AFF3: variants seen among roughly 807,000 people sequenced by gnomAD.
AFF3 encodes ALF transcription elongation factor 3.
In AFF3, 32 loss-of-function variants were observed where a neutral mutation model predicts 129.7. The observed-to-expected ratio is 0.25, with a 90% CI of 0.19 to 0.33. AFF3 has a LOEUF of 0.33. Among genes scored for constraint, AFF3 ranks in the 10% least tolerant of loss-of-function variants. AFF3 has a pLI of 1.00. For synonymous variants in AFF3, 644 were observed against 635.4 expected (o/e 1.01, Z -0.20); for missense variants, 1,373 against 1,592.0 (o/e 0.86, Z 2.34).
intron 13 of AFF3, among the ~76,000 whole-genome samples, chr2:99,631,185 C>T (rs1468770222): frequency 6.6e-6 from 1 of 152,122 alleles, no homozygotes; most frequent in Non-Finnish European, 1.5e-5. Context: ...TCTTCTTTCC[C>T]AAAGAACCCC....
At chr2:99,630,974 A>G (rs1459066387) in intron 13 of AFF3, 2 of 458,662 alleles carry the variant, frequency 4.4e-6, no homozygotes, top group African/African-American at 2.0e-5. Context: ...TGGAGCTGAG[A>G]CAGAGGAGGG....
chr2:99,592,332 C>A (rs1156694249), intron 15 of AFF3, among the ~76,000 whole-genome samples: 1 of 152,146 alleles, frequency 6.6e-6, no homozygotes, highest in African/African-American at 2.4e-5. Context: ...TTTTCAGGGC[C>A]CCTCCACCAT....
chr2:99,679,176 C>A (rs10189976), intron 11 of AFF3, among the ~76,000 whole-genome samples: 81,951 of 151,948 alleles, frequency 0.54, 22,204 homozygotes, highest in East Asian at 0.66. Context: ...GGGATCTCTA[C>A]ATCTTTTGAA....
intron 8 of AFF3, among the ~76,000 whole-genome samples, chr2:99,772,127 A>G (rs1433481487): frequency 2.0e-5 from 3 of 152,162 alleles, no homozygotes; most frequent in Non-Finnish European, 4.4e-5. Flanking sequence ...AAAATAGGAA[A>G]GGAGAGAAGA....
At chr2:99,959,108 T>C (rs1424288145) in intron 7 of AFF3, among the ~76,000 whole-genome samples, 1 of 151,564 alleles carries the variant, frequency 6.6e-6, no homozygotes, top group Admixed American at 6.6e-5. Flanking sequence ...GATAAATAAA[T>C]AAAGGAGAGG....
At chr2:99,748,387 A>T (rs930600403) in intron 9 of AFF3, among the ~76,000 whole-genome samples, 7 of 152,292 alleles carry the variant, frequency 4.6e-5, no homozygotes, top group Admixed American at 3.9e-4. Context: ...GCACTCTACT[A>T]GGCCTGCAAG....
chr2:99,683,049 T>A (rs1254312108), intron 11 of AFF3, among the ~76,000 whole-genome samples: 1 of 152,192 alleles, frequency 6.6e-6, no homozygotes, highest in Non-Finnish European at 1.5e-5. Flanking sequence ...CCTGATGGGT[T>A]TGGAAGGCAC....
intron 4 of AFF3, among the ~76,000 whole-genome samples, chr2:100,078,546 G>A (rs1472398823): frequency 6.6e-6 from 1 of 152,174 alleles, no homozygotes; most frequent in Non-Finnish European, 1.5e-5. Flanking sequence ...CTGGCCAAGA[G>A]CATCAGGTCT....
At chr2:99,966,292 C>T (rs1677739681) in intron 7 of AFF3, among the ~76,000 whole-genome samples, 2 of 152,078 alleles carry the variant, frequency 1.3e-5, no homozygotes, top group African/African-American at 2.4e-5. Context: ...CCAAAGATTA[C>T]AATTTACACA....
At chr2:99,928,298 C>T (rs1696422004) in intron 7 of AFF3, among the ~76,000 whole-genome samples, 1 of 152,208 alleles carries the variant, frequency 6.6e-6, no homozygotes, top group South Asian at 2.1e-4. Context: ...ATGAAAATCT[C>T]AACGCAGCAG....
intron 1 of AFF3, among the ~76,000 whole-genome samples, chr2:100,136,116 T>C (rs1002417815): frequency 5.3e-5 from 8 of 152,090 alleles, no homozygotes; most frequent in African/African-American, 1.7e-4. Context: ...TGTTAAGACG[T>C]AAGGTTGAAC....
chr2:99,980,368 G>A lies in AFF3; in HGVS notation c.873+26264C>T, dbSNP rs571273913. Among the ~76,000 whole-genome samples the A allele has an allele frequency of 3.6e-3, 550 of 152,296 alleles. 3 individuals carry two copies. Among genetic ancestry groups the A allele is most frequent in the African/African-American group, 0.013 (524 of 41,564 alleles). Reference sequence around the variant, plus strand: ...TAAGTGCAGACAGAATGACTCTCTGGAAGGAGCATACATGAGCTGGCAGTT... The same window carrying A: ...TAAGTGCAGACAGAATGACTCTCTGAAAGGAGCATACATGAGCTGGCAGTT... On this transcript the variant is annotated intron_variant, in intron 7 of 24. Transcript: ENST00000672756.
chr2:99,707,547 T>C (rs1372864954), intron 11 of AFF3: 6 of 979,666 alleles, frequency 6.1e-6, no homozygotes, highest in Non-Finnish European at 1.2e-6. Flanking sequence ...GATATTGAAT[T>C]ACCAAAGTAT....
intron 8 of AFF3, among the ~76,000 whole-genome samples, chr2:99,814,906 G>A (rs574683742): frequency 6.6e-6 from 1 of 150,474 alleles, no homozygotes; most frequent in Admixed American, 6.6e-5. Flanking sequence ...ATGGAGTGCA[G>A]TGGCGTGATC....
Position 99,601,454 on chromosome 2 carries a change from G to A in AFF3, c.1352C>T (p.Pro451Leu). ...GCTTACCTCGGGGCTGGAGAAGTGG[G>A]GGGGCTTGCTGCCCTCACTCTCGCT... ...SSSESEGSKP[P>L]HFSSPEAEPA... Residue 451 changes from proline to leucine, a missense_variant, in exon 14 of 25, where the codon CCC becomes CTC. Physicochemically the swap from Pro to Leu is moderately conservative, Grantham distance 98. This residue lies in a region of AFF3 where 413 missense variants were observed against 424.4 expected (regional missense o/e 0.97). Coordinates refer to ENST00000672756, the MANE Select transcript of AFF3 (RefSeq NM_001386135.1). 2 of 1,607,988 alleles carry A rather than the reference G, an allele frequency of 1.2e-6. No homozygotes were observed. Among genetic ancestry groups the A allele is most frequent in the South Asian group, 1.1e-5 (1 of 90,096 alleles).
At chr2:99,991,796 A>G (rs539452748) in intron 7 of AFF3, among the ~76,000 whole-genome samples, 67 of 152,150 alleles carry the variant, frequency 4.4e-4, no homozygotes, top group African/African-American at 1.5e-3. Flanking sequence ...CTCGCTACTC[A>G]GGAGGCTGAG....
At chr2:99,869,783 G>T (rs901413678) in intron 7 of AFF3, among the ~76,000 whole-genome samples, 2 of 152,106 alleles carry the variant, frequency 1.3e-5, no homozygotes, top group African/African-American at 4.8e-5. Flanking sequence ...GATTCAGGGG[G>T]AAAAGTTACA....
intron 4 of AFF3, among the ~76,000 whole-genome samples, chr2:100,055,187 T>A (rs1686663348): frequency 6.6e-6 from 1 of 152,038 alleles, no homozygotes; most frequent in African/African-American, 2.4e-5. Flanking sequence ...TGAAAGAGAC[T>A]TTTAGTACAT....
At chr2:99,974,248 T>C (rs989811777) in intron 7 of AFF3, among the ~76,000 whole-genome samples, 1 of 152,250 alleles carries the variant, frequency 6.6e-6, no homozygotes, top group African/African-American at 2.4e-5. Context: ...TCCTATTTGA[T>C]TGAAACTGAT....
Sources: gnomAD v4.1 joint callset for allele counts (sites outside exome capture counted in the v4.1 genomes callset) on GRCh38, gnomAD v4.1.1 for gene constraint, gnomAD v4.1.1 regional missense constraint, MANE v1.5 for transcripts, NCBI Gene and HGNC (gene_info 2026-07-23, HGNC 2026-07-21) for gene names.